Variants in CNBD1 observed in about 807,000 individuals in gnomAD.
CNBD1 encodes the protein cyclic nucleotide-binding domain-containing protein 1.
CNBD1 carries 71 observed loss-of-function variants against 54.4 expected under a neutral mutation model. That is an observed-to-expected ratio of 1.30 (90% confidence interval 1.08 to 1.59). The LOEUF (loss-of-function observed/expected upper bound fraction) is 1.59, where lower values mean the gene tolerates loss of function less well. Ranked by LOEUF, CNBD1 falls within the 40% of genes most tolerant of loss-of-function variation. CNBD1 has a pLI of 0.00. For synonymous variants in CNBD1, 182 were observed against 170.7 expected, an observed-to-expected ratio of 1.07 and a Z score of -0.51; for missense variants, 659 against 518.0, an observed-to-expected ratio of 1.27 and a Z score of -2.64.
intron 4 of CNBD1, among the ~76,000 whole-genome samples, chr8:87,175,710 AT>A (rs1813182806): frequency 6.6e-6 from 1 of 152,136 alleles, no homozygotes; most frequent in Non-Finnish European, 1.5e-5. Flanking sequence ...GCAGTTGTGC[AT>A]GCACTCTTTT....
At chr8:87,275,441 T>A (rs1384503175) in intron 6 of CNBD1, among the ~76,000 whole-genome samples, 1 of 152,040 alleles carries the variant, frequency 6.6e-6, no homozygotes, top group Non-Finnish European at 1.5e-5. Context: ...TGTATCCGCT[T>A]TTATTTCATT....
chr8:87,342,468 G>A (rs1356501870), intron 8 of CNBD1, among the ~76,000 whole-genome samples: 1 of 152,044 alleles, frequency 6.6e-6, no homozygotes, highest in Non-Finnish European at 1.5e-5. Context: ...TTTAGAAAAT[G>A]TAATTATGTT....
chr8:86,936,064 G>A (rs907086094), intron 3 of CNBD1, among the ~76,000 whole-genome samples: 2 of 152,070 alleles, frequency 1.3e-5, no homozygotes, highest in African/African-American at 4.8e-5. Context: ...TGCATGAGCT[G>A]GGAGGCAGAG....
At chr8:87,385,566 G>A (rs1011571800), downstream of CNBD1, among the ~76,000 whole-genome samples, 6 of 151,988 alleles carry the variant, frequency 3.9e-5, no homozygotes, top group Admixed American at 2.0e-4. Flanking sequence ...AGTGAGGCTG[G>A]GGGAGGGGCG....
At chr8:87,090,588 C>A (rs1327312157) in intron 4 of CNBD1, among the ~76,000 whole-genome samples, 1 of 151,992 alleles carries the variant, frequency 6.6e-6, no homozygotes, top group East Asian at 1.9e-4. Context: ...CTTGGTTTTT[C>A]CAAAAGCTAT....
chr8:87,037,741 T>C (rs2130604578), intron 4 of CNBD1, among the ~76,000 whole-genome samples: 1 of 152,352 alleles, frequency 6.6e-6, no homozygotes, highest in Admixed American at 6.5e-5. Context: ...CCTAACCCTT[T>C]ATGTAACATT....
intron 1 of CNBD1, among the ~76,000 whole-genome samples, chr8:86,876,136 T>G (rs1347161921): frequency 6.6e-6 from 1 of 152,046 alleles, no homozygotes; most frequent in Non-Finnish European, 1.5e-5. Context: ...GAAGATTTGA[T>G]GGAATCCACT....
chr8:87,115,528 T>C (rs1349475745), intron 4 of CNBD1, among the ~76,000 whole-genome samples: 1 of 152,150 alleles, frequency 6.6e-6, no homozygotes, highest in Non-Finnish European at 1.5e-5. Flanking sequence ...AATAGTGCAA[T>C]GAGGAGTCCA....
chr8:87,086,455 C>CT (rs1463716082), intron 4 of CNBD1, among the ~76,000 whole-genome samples: 11 of 152,044 alleles, frequency 7.2e-5, no homozygotes, highest in African/African-American at 2.4e-4. Context: ...TTTTTACTTG[C>CT]TAAGCCAAAT....
intron 5 of CNBD1, among the ~76,000 whole-genome samples, chr8:87,226,147 C>A (rs1348526086): frequency 2.6e-5 from 4 of 151,844 alleles, no homozygotes; most frequent in African/African-American, 9.7e-5. Context: ...CTTTATTAGT[C>A]TTGCTAGTGG....
intron 4 of CNBD1, among the ~76,000 whole-genome samples, chr8:87,097,980 G>A (rs1283185909): frequency 2.0e-5 from 3 of 152,140 alleles, no homozygotes; most frequent in Non-Finnish European, 2.9e-5. Flanking sequence ...GTATAACATT[G>A]TTATGCTTCC....
chr8:87,257,246 G>A (rs977447066), intron 6 of CNBD1, among the ~76,000 whole-genome samples: 8 of 151,746 alleles, frequency 5.3e-5, no homozygotes, highest in African/African-American at 1.9e-4. Flanking sequence ...GCAGGCACCT[G>A]TAATACCAGC....
At chr8:87,169,376 T>C (rs566440466) in intron 4 of CNBD1, among the ~76,000 whole-genome samples, 53 of 152,248 alleles carry the variant, frequency 3.5e-4, no homozygotes, top group African/African-American at 1.2e-3. Flanking sequence ...TTTTTGTTCA[T>C]TGTTTCCTTT....
intron 4 of CNBD1, among the ~76,000 whole-genome samples, chr8:87,168,391 A>G (rs1310492445): frequency 1.3e-5 from 2 of 152,054 alleles, no homozygotes; most frequent in Non-Finnish European, 2.9e-5. Flanking sequence ...TAAATAATGT[A>G]TCCATCACCT....
At chr8:87,284,103 C>G (rs1808648142) in intron 6 of CNBD1, among the ~76,000 whole-genome samples, 1 of 152,016 alleles carries the variant, frequency 6.6e-6, no homozygotes, top group Non-Finnish European at 1.5e-5. Context: ...CACATGCCCT[C>G]CACTTTTTCC....
At chr8:87,088,192 T>C (rs1214312255) in intron 4 of CNBD1, among the ~76,000 whole-genome samples, 1 of 152,196 alleles carries the variant, frequency 6.6e-6, no homozygotes, top group Non-Finnish European at 1.5e-5. Context: ...TTCAAATGTT[T>C]TACCTTTGAC....
intron 1 of CNBD1, among the ~76,000 whole-genome samples, chr8:86,869,630 C>T (rs192562409): frequency 1.5e-4 from 23 of 151,856 alleles, no homozygotes; most frequent in Admixed American, 1.5e-3. Context: ...GGATTCTTCA[C>T]AGTTTGCTAA....
chr8:87,197,284 C>A (rs1261413921), intron 4 of CNBD1, among the ~76,000 whole-genome samples: 1 of 152,102 alleles, frequency 6.6e-6, no homozygotes, highest in Non-Finnish European at 1.5e-5. Context: ...AAACGGTGTG[C>A]CTGACAATTT....
chr8:87,423,571 A>C (rs1586094227), intron 2 of CNBD1, among the ~76,000 whole-genome samples: 1 of 149,656 alleles, frequency 6.7e-6, no homozygotes, highest in East Asian at 1.9e-4. Flanking sequence ...TATATGCTGG[A>C]TTACATTTAT....
Sources: allele counts gnomAD v4.1 joint callset (sites outside exome capture counted in the v4.1 genomes callset), GRCh38; gene constraint gnomAD v4.1.1; transcripts MANE v1.5; gene names NCBI Gene and HGNC (gene_info 2026-07-23, HGNC 2026-07-21).